The following ADGRD2 variants were observed in gnomAD, a reference collection of about 807,000 sequenced individuals.
The protein encoded by ADGRD2 is adhesion G protein-coupled receptor D2, also known as G protein-coupled receptor PGR24.
In ADGRD2, 71 loss-of-function variants were observed where a neutral mutation model predicts 44.4. The ratio of observed to expected loss-of-function variants is 1.60; its 90% CI spans 1.32 to 1.95. The LOEUF is 1.95. Among genes scored for constraint, ADGRD2 ranks in the 30% most tolerant of loss-of-function variants. The pLI is 0.00. For missense variants in ADGRD2, 1,039 were observed against 512.4 expected (o/e 2.03, Z -9.92); for synonymous variants, 481 against 224.8 (o/e 2.14, Z -10.19).
intron 6 of ADGRD2, among the ~76,000 whole-genome samples, chr9:124,455,749 C>T (rs1459917769): frequency 1.3e-5 from 2 of 152,190 alleles, no homozygotes; most frequent in African/African-American, 4.8e-5. Context: ...TCTGCCTAAA[C>T]AGCCCAGACA....
At chr9:124,464,851 T>A (rs974666181) in intron 10 of ADGRD2, among the ~76,000 whole-genome samples, 3 of 152,164 alleles carry the variant, frequency 2.0e-5, no homozygotes, top group Admixed American at 6.5e-5. Flanking sequence ...CAGACCTTAA[T>A]TTTTCACATA....
chr9:124,457,944 G>A (rs1405317502), intron 8 of ADGRD2, among the ~76,000 whole-genome samples, 169 bp from the exon 12 acceptor site: 1 of 152,190 alleles, frequency 6.6e-6, no homozygotes, highest in African/African-American at 2.4e-5. Flanking sequence ...TGGCTGCTTG[G>A]AATTTTGGCT....
At position 124,467,736 on chromosome 9, in the gene ADGRD2, G is replaced by T. The variant is rs1185934176; in HGVS notation, c.2044G>T (p.Glu682Ter). The change falls in exon 12 of 22, where the codon GAG (glutamate) becomes TAG (stop). Residue 682 changes from glutamate to a stop codon, truncating the protein, a stop_gained. Transcript: ENST00000334810. LOFTEE classifies it high-confidence loss of function. ...CTCCACACAGAGAGGCCCTGAGGAG[G>T]AGTCGCTGCTGAGGACTCTGTCATT... 14 of 718,516 alleles carry T rather than the reference G, an allele frequency of 1.9e-5. No individual in the cohort carries two copies. Among genetic ancestry groups the T allele is most frequent in the South Asian group, 1.8e-4 (12 of 67,594 alleles). The allele number at this position is 718,516 out of a possible 1,614,324, so 44.5% of individuals were successfully genotyped here.
chr9:124,458,304 G>C, intron 9 of ADGRD2, 68 bp downstream of exon 12: 2 of 704,532 alleles, frequency 2.8e-6, no homozygotes, highest in Non-Finnish European at 5.3e-6. Context: ...CAAAGCCCCC[G>C]TTCTGGTGGG....
At chr9:124,461,712 T>C (rs1831724230) in intron 10 of ADGRD2, among the ~76,000 whole-genome samples, 1 of 149,104 alleles carries the variant, frequency 6.7e-6, no homozygotes, top group African/African-American at 2.5e-5. Context: ...TCAGGTAGTG[T>C]ATCTTCCAAC....
chr9:124,471,081 G>A (rs1188989999), intron 17 of ADGRD2, among the ~76,000 whole-genome samples: 1 of 152,182 alleles, frequency 6.6e-6, no homozygotes, highest in East Asian at 1.9e-4. Context: ...AAGGGCCCGG[G>A]CTTCCCGGGT....
chr9:124,476,134 G>A (rs1466964587), intron 19 of ADGRD2, among the ~76,000 whole-genome samples: 1 of 152,170 alleles, frequency 6.6e-6, no homozygotes, highest in African/African-American at 2.4e-5. Context: ...TGGGTTGAAT[G>A]ACTTCGAGGT....
chr9:124,470,564 C>T (rs1332901446), exon 17 of ADGRD2: 2 of 709,886 alleles, frequency 2.8e-6, no homozygotes, highest in African/African-American at 3.5e-5. Context: ...CATCCTGGTG[C>T]ACCTGAGCCC....
chr9:124,463,099 C>T (rs1444590420), intron 10 of ADGRD2, among the ~76,000 whole-genome samples: 1 of 152,148 alleles, frequency 6.6e-6, no homozygotes, highest in Non-Finnish European at 1.5e-5. Flanking sequence ...AGGAAGGCAT[C>T]CAGACTTTCA....
chr9:124,473,077 C>G (rs1831983053), intron 17 of ADGRD2, among the ~76,000 whole-genome samples: 1 of 152,228 alleles, frequency 6.6e-6, no homozygotes, highest in Admixed American at 6.5e-5. Context: ...TTTGGTCTCT[C>G]CCTGTCTCTC....
chr9:124,461,570 G>A (rs1302620344), intron 10 of ADGRD2, among the ~76,000 whole-genome samples: 1 of 151,968 alleles, frequency 6.6e-6, no homozygotes, highest in Non-Finnish European at 1.5e-5. Context: ...TGTCACCTTT[G>A]TTGAAATCAA....
exon 6 of ADGRD2, chr9:124,455,019 A>G (rs1831588675): frequency 1.4e-6 from 1 of 718,244 alleles, no homozygotes; most frequent in Non-Finnish European, 2.6e-6. Context: ...CTGGGGACCC[A>G]GAGCTGTTGT....
In ADGRD2 at chr9:124,454,771, G is replaced by T; in HGVS notation, c.1109-72G>T. The T allele has an allele frequency of 1.6e-6, 1 of 621,344 alleles. No homozygotes were observed. The highest frequency in any genetic ancestry group is 2.9e-6 in the Non-Finnish European group (1 of 342,848). The allele number at this position is 621,344 out of a possible 1,614,324, so 38.5% of individuals were successfully genotyped here. On this transcript the variant is annotated intron_variant, in intron 5 of 21. Coordinates refer to ENST00000334810, the Ensembl canonical transcript of ADGRD2. The surrounding 1 kb of genome is among the most constrained non-coding windows in gnomAD (Gnocchi z 4.5). The stretch of plus-strand genomic sequence containing the variant: ...TGCCCACCAAGAAGACCCTGGCAAA[G>T]CCCAAGTGTGGCCCTTGGGGGGATC...
At chr9:124,458,209 G>A (rs368753968) in exon 9 of ADGRD2, 1 of 718,510 alleles carries the variant, frequency 1.4e-6, no homozygotes, top group Non-Finnish European at 2.6e-6. Flanking sequence ...GCCCCTGCCA[G>A]CTCAGAGGAG....
At chr9:124,474,076 G>C (rs1832001182) in intron 17 of ADGRD2, among the ~76,000 whole-genome samples, 1 of 152,036 alleles carries the variant, frequency 6.6e-6, no homozygotes, top group Non-Finnish European at 1.5e-5. Flanking sequence ...AGGAGTTCGA[G>C]ACCAGCCTGA....
At position 124,454,840 on chromosome 9, in the gene ADGRD2, C is replaced by T. The variant is rs779591406; in HGVS notation, c.1109-3C>T. 7 of 693,048 alleles carry T rather than the reference C, an allele frequency of 1.0e-5. No individual in the cohort carries two copies. The highest frequency in any genetic ancestry group is 6.0e-5 in the South Asian group (4 of 66,444). 42.9% of individuals were successfully genotyped at this position (693,048 alleles called of 1,614,324 possible). ...CCAGAGTCAGTGGCTCCTCTGTCCA[C>T]AGCTCCTCCCGGACCCCCTCTCCGA... On this transcript the variant is annotated splice_polypyrimidine_tract_variant and splice_region_variant and intron_variant, in intron 5 of 21. Transcript: ENST00000334810. The surrounding 1 kb of genome is among the most constrained non-coding windows in gnomAD (Gnocchi z 4.5).
intron 17 of ADGRD2, among the ~76,000 whole-genome samples, 195 bp downstream of exon 20, chr9:124,470,809 C>G (rs189849178): frequency 7.9e-5 from 12 of 152,342 alleles, no homozygotes; most frequent in African/African-American, 2.9e-4. Flanking sequence ...ACCAGCGGTT[C>G]GTGCAGGAGG....
At chr9:124,452,337 G>C (rs1043637343) in intron 1 of ADGRD2, 173 bp from the exon 5 acceptor site, 19 of 641,732 alleles carry the variant, frequency 3.0e-5, no homozygotes, top group Middle Eastern at 2.9e-4. Flanking sequence ...CCATTGCGCA[G>C]ATGACGAAAA....
Position 124,454,374 on chromosome 9 carries a change from G to T in ADGRD2, c.1023-110G>T, listed in dbSNP as rs190890040. 2.2e-5 allele frequency: 14 copies of T among 635,290 alleles called. No individual in the cohort carries two copies. Among genetic ancestry groups the T allele is most frequent in the Non-Finnish European group, 4.1e-5 (14 of 343,742 alleles). 39.4% of individuals were successfully genotyped at this position (635,290 alleles called of 1,614,324 possible). ...AGACTCTGGACACACAGCCATCAAG[G>T]TGCTCTTCCTTCCCTGGGCAGCACG... On this transcript the variant is annotated intron_variant, in intron 4 of 21. Transcript: ENST00000334810. This position sits in a 1 kb window ranked among gnomAD's most constrained non-coding sequence, Gnocchi z 4.5.
Sources: gnomAD v4.1 joint callset for allele counts (sites outside exome capture counted in the v4.1 genomes callset) on GRCh38, gnomAD v4.1.1 for gene constraint, Gnocchi (gnomAD v3.1) non-coding constraint, MANE v1.5 for transcripts, NCBI Gene and HGNC (gene_info 2026-07-23, HGNC 2026-07-21) for gene names.